USH2A: variants seen among roughly 807,000 people sequenced by gnomAD.
USH2A encodes Usher syndrome 2A (autosomal recessive, mild).
Under a neutral mutation model 538.9 loss-of-function variants are expected in USH2A, and 443 were observed. That is an observed-to-expected ratio of 0.82 (90% CI 0.76 to 0.89). The LOEUF (loss-of-function observed/expected upper bound fraction) is 0.89, where lower values mean the gene tolerates loss of function less well. USH2A is among the 40% of genes least tolerant of loss of function. The probability of loss-of-function intolerance (pLI) is 0.00; values close to 1 mark genes in which losing one functional copy is unlikely to be tolerated. For synonymous variants in USH2A, 2,413 were observed against 2,273.5 expected, an observed-to-expected ratio of 1.06 and a Z score of -1.75; for missense variants, 6,633 against 6,324.8, an observed-to-expected ratio of 1.05 and a Z score of -1.65.
chr1:216,030,985 CT>C (rs568813236), intron 32 of USH2A, among the ~76,000 whole-genome samples: 1 of 151,536 alleles, frequency 6.6e-6, no homozygotes, highest in African/African-American at 2.4e-5. Flanking sequence ...TAATTTCTGC[CT>C]TTTTTTTCTT....
intron 38 of USH2A, among the ~76,000 whole-genome samples, chr1:215,913,001 T>A (rs1665853389): frequency 6.6e-6 from 1 of 152,148 alleles, no homozygotes; most frequent in African/African-American, 2.4e-5. Context: ...AGGCTGGGAT[T>A]CAAACATGAG....
intron 32 of USH2A, among the ~76,000 whole-genome samples, chr1:216,036,115 C>T (rs73094509): frequency 0.014 from 2,204 of 152,018 alleles, 43 homozygotes; most frequent in African/African-American, 0.05. Flanking sequence ...ATGGTATTGG[C>T]TAGAAGGAAA....
chr1:215,871,817 G>A (rs1664629161), intron 43 of USH2A, among the ~76,000 whole-genome samples: 1 of 152,168 alleles, frequency 6.6e-6, no homozygotes, highest in Admixed American at 6.5e-5. Flanking sequence ...CACGGAGGAG[G>A]TAACATTTGG....
Position 216,310,786 on chromosome 1 carries a change from T to C in USH2A, c.1644+11097A>G, listed in dbSNP as rs540340849. ...ACTGAGTTTTCTTAAAACTGCATTT[T>C]AAAATTCGTGGTCAGGGAGCTTACA... On this transcript the variant is annotated intron_variant, in intron 9 of 71. Transcript: ENST00000307340. Among the ~76,000 whole-genome samples, 134 of 152,352 alleles carry C rather than the reference T, an allele frequency of 8.8e-4. 3 individuals are homozygous for C. The South Asian group carries it at 0.028, about 32-fold the overall frequency.
intron 2 of USH2A, 48 bp downstream of exon 2, chr1:216,421,804 T>C (rs750598465): frequency 6.2e-7 from 1 of 1,613,468 alleles, no homozygotes. Flanking sequence ...TCTTCACTAC[T>C]ACTGGTTTTG....
chr1:216,076,475 A>C (rs2031754324), intron 27 of USH2A, among the ~76,000 whole-genome samples: 1 of 152,020 alleles, frequency 6.6e-6, no homozygotes, highest in African/African-American at 2.4e-5. Context: ...TTTAGGGGTA[A>C]TTCAAAGAAC....
At chr1:216,286,312 C>T (rs1483102021) in intron 11 of USH2A, among the ~76,000 whole-genome samples, 1 of 152,156 alleles carries the variant, frequency 6.6e-6, no homozygotes, top group Non-Finnish European at 1.5e-5. Context: ...AAGGGGCTTT[C>T]CCTGTTCCTC....
At chr1:216,092,628 T>G (rs1027623584) in intron 22 of USH2A, among the ~76,000 whole-genome samples, 2 of 152,180 alleles carry the variant, frequency 1.3e-5, no homozygotes, top group Non-Finnish European at 2.9e-5. Flanking sequence ...GAGTGGGGCT[T>G]TCATTATAAA....
intron 55 of USH2A, among the ~76,000 whole-genome samples, chr1:215,778,341 C>T (rs1041228820): frequency 1.1e-4 from 17 of 152,102 alleles, no homozygotes; most frequent in African/African-American, 4.1e-4. Context: ...CATGAGCCAC[C>T]GCACCCAGCC....
At chr1:216,200,961 T>TCCCCCCCC (rs2034975251) in intron 16 of USH2A, among the ~76,000 whole-genome samples, 2 of 92,954 alleles carry the variant, frequency 2.2e-5, no homozygotes, top group Admixed American at 1.1e-4. Flanking sequence ...CCCTTCCCCT[T>TCCCCCCCC]CCCCTCCCCC....
At chr1:216,356,081 G>A (rs889412799) in intron 4 of USH2A, among the ~76,000 whole-genome samples, 2 of 152,104 alleles carry the variant, frequency 1.3e-5, no homozygotes, top group Non-Finnish European at 2.9e-5. Flanking sequence ...TCACTTGGCT[G>A]TTAAGAAGCA....
At chr1:216,052,384 A>G (rs1290444065) in intron 30 of USH2A, among the ~76,000 whole-genome samples, 2 of 151,558 alleles carry the variant, frequency 1.3e-5, no homozygotes, top group Non-Finnish European at 2.9e-5. Flanking sequence ...AAAAAGAAAG[A>G]AAAAGAAGAA....
intron 21 of USH2A, among the ~76,000 whole-genome samples, chr1:216,107,275 G>T (rs1379934904): frequency 6.6e-6 from 1 of 151,556 alleles, no homozygotes; most frequent in Admixed American, 6.6e-5. Flanking sequence ...TTTGTCCTTT[G>T]GTTTGTAAAC....
rs1352047133 is a variant in USH2A, at chr1:216,246,826, A to G, written c.2568T>C (p.Asn856=). Residue 856 remains asparagine, a synonymous_variant, in exon 13 of 72, where the codon AAT becomes AAC. Coordinates refer to ENST00000307340, the MANE Select transcript of USH2A (RefSeq NM_206933.4). ...PCNCDKTGTI[N]GSLLCNKSTG... is the part of the protein sequence containing the mutation. ...TTGATTTGTTACACAGCAGAGAGCC[A>G]TTTATTGTCCCAGTCTTATCACAGT... The G allele has an allele frequency of 6.2e-7, 1 of 1,614,058 alleles. No individual in the cohort carries two copies. The highest frequency in any genetic ancestry group is 8.5e-7 in the Non-Finnish European group (1 of 1,179,996).
intron 64 of USH2A, among the ~76,000 whole-genome samples, chr1:215,662,886 G>A (rs954969177): frequency 6.6e-6 from 1 of 152,168 alleles, no homozygotes; most frequent in Non-Finnish European, 1.5e-5. Context: ...CAGAAAATGT[G>A]TTCAATATGT....
At position 216,292,307 on chromosome 1, in the gene USH2A, A is replaced by C; in HGVS notation, c.1708T>G (p.Phe570Val). 1 of 1,614,114 alleles carries C rather than the reference A, an allele frequency of 6.2e-7. No homozygotes were observed. ...PFRQGDQVYAFNCKPCQCNSH... is the reference protein window; with the variant it reads ...PFRQGDQVYAVNCKPCQCNSH... ...TTGCATTGACAAGGTTTACAATTGA[A>C]AGCGTAAACTTGATCACCTTGGCGG... The change falls in exon 10 of 72, where the codon TTC becomes GTC. Residue 570 changes from phenylalanine (F) to valine (V), a missense_variant. Transcript: ENST00000307340.
intron 38 of USH2A, among the ~76,000 whole-genome samples, chr1:215,931,982 G>A (rs545115803): frequency 2.6e-5 from 4 of 151,896 alleles, no homozygotes; most frequent in Admixed American, 2.6e-4. Context: ...GGGTAAAGGG[G>A]ATTTTCCAGG....
intron 40 of USH2A, among the ~76,000 whole-genome samples, chr1:215,898,596 T>C (rs1262442538): frequency 1.3e-5 from 2 of 151,564 alleles, no homozygotes; most frequent in Admixed American, 1.3e-4. Context: ...AAAAAAAAAA[T>C]GCTTTCTCCC....
chr1:216,084,370 T>C (rs1008785326), intron 25 of USH2A, among the ~76,000 whole-genome samples: 19 of 152,308 alleles, frequency 1.2e-4, no homozygotes, highest in African/African-American at 4.3e-4. Flanking sequence ...AACATCTTTC[T>C]GAGTGCATTC....
Sources: allele counts gnomAD v4.1 joint callset (sites outside exome capture counted in the v4.1 genomes callset), GRCh38; gene constraint gnomAD v4.1.1; transcripts MANE v1.5; gene names NCBI Gene and HGNC (gene_info 2026-07-23, HGNC 2026-07-21).